Variants in MED12L observed in about 807,000 individuals in gnomAD.
The protein encoded by MED12L is mediator of RNA polymerase II transcription subunit 12-like protein.
MED12L carries 60 observed loss-of-function variants against 281.3 expected under a neutral mutation model. The ratio of observed to expected loss-of-function variants is 0.21; its 90% CI spans 0.17 to 0.26. The LOEUF (loss-of-function observed/expected upper bound fraction) is 0.26. Ranked by LOEUF, MED12L falls within the 10% of genes least tolerant of loss-of-function variation. The pLI, the probability that MED12L is intolerant of heterozygous loss-of-function variation, is 1.00. For synonymous variants in MED12L, 974 were observed against 987.2 expected, an observed-to-expected ratio of 0.99 and a Z score of 0.25; for missense variants, 2,146 against 2,680.9, an observed-to-expected ratio of 0.80 and a Z score of 4.41.
chr3:151,234,000 A>G (rs6794143), intron 16 of MED12L, among the ~76,000 whole-genome samples: 2,144 of 152,350 alleles, frequency 0.014, 42 homozygotes, highest in African/African-American at 0.048. Context: ...TAAAAAGTCT[A>G]TCACTTTGGA....
At chr3:151,420,707 G>A (rs1434189444) in intron 43 of MED12L, among the ~76,000 whole-genome samples, 1 of 152,192 alleles carries the variant, frequency 6.6e-6, no homozygotes, top group Non-Finnish European at 1.5e-5. Context: ...CAGGATGATG[G>A]GGAACATGGT....
At chr3:151,116,213 G>A in intron 2 of MED12L, 125 bp from the exon 3 acceptor site, 1 of 607,546 alleles carries the variant, frequency 1.6e-6, no homozygotes. Context: ...TTCTCTGATT[G>A]TTGTCCTTTC....
In MED12L at chr3:151,365,817, G is replaced by A. The variant is rs200118612; in HGVS notation, c.3186-33G>A. ...AGGTGAGTATTTCTCTTTTGTACAA[G>A]GTTACTTTCTGTGTCTTCTTTTTCT... On this transcript the variant is annotated intron_variant, in intron 22 of 44. Transcript: ENST00000687756. 1.1e-5 allele frequency: 18 copies of A among 1,568,036 alleles called. No individual in the cohort carries two copies. In the Admixed American group the frequency reaches 3.1e-4, roughly 27 times the overall value.
intron 44 of MED12L, among the ~76,000 whole-genome samples, chr3:151,432,287 C>T (rs1719622410): frequency 6.6e-6 from 1 of 152,232 alleles, no homozygotes. Flanking sequence ...GACAGTCTTG[C>T]ACCTGCATAT....
Position 151,086,895 on chromosome 3 carries a change from C to G in MED12L, c.-32C>G, listed in dbSNP as rs1719296554. 1.3e-6 allele frequency: 2 copies of G among 1,543,210 alleles called. No homozygotes were observed. The highest frequency in any genetic ancestry group is 1.8e-6 in the Non-Finnish European group (2 of 1,139,736). ...AGAGGCGGCTGCTCCAGCTCCAACT[C>G]TCATTCATTTCGCCGGTTAACATGA... On this transcript the variant is annotated 5_prime_UTR_variant, in exon 2 of 45. Transcript: ENST00000687756.
At chr3:151,237,188 G>A (rs1259190397) in intron 16 of MED12L, among the ~76,000 whole-genome samples, 1 of 151,258 alleles carries the variant, frequency 6.6e-6, no homozygotes, top group Non-Finnish European at 1.5e-5. Flanking sequence ...ACAGGTGCAT[G>A]CCACCACGCC....
intron 16 of MED12L, among the ~76,000 whole-genome samples, chr3:151,242,514 C>T (rs1175332333): frequency 1.3e-5 from 2 of 152,164 alleles, no homozygotes; most frequent in Admixed American, 6.5e-5. Flanking sequence ...CACACTGACA[C>T]CTCACACAGC....
chr3:151,205,936 G>A (rs573309214), intron 16 of MED12L, among the ~76,000 whole-genome samples: 1 of 151,910 alleles, frequency 6.6e-6, no homozygotes, highest in Non-Finnish European at 1.5e-5. Context: ...TGTGAATTTG[G>A]GACGCTCTTA....
intron 5 of MED12L, among the ~76,000 whole-genome samples, chr3:151,151,166 T>C (rs1269682184): frequency 6.6e-6 from 1 of 151,178 alleles, no homozygotes; most frequent in Non-Finnish European, 1.5e-5. Flanking sequence ...GCCTCTTGAA[T>C]AGCTGGGACT....
intron 2 of MED12L, among the ~76,000 whole-genome samples, chr3:151,097,431 T>A (rs2148644777): frequency 6.6e-6 from 1 of 152,370 alleles, no homozygotes. Context: ...CTTTGCCAGC[T>A]GTGGCACTAT....
chr3:151,162,036 TGAAGA>T (rs759221596), intron 8 of MED12L, among the ~76,000 whole-genome samples: 104 of 152,322 alleles, frequency 6.8e-4, no homozygotes, highest in Non-Finnish European at 1.1e-3. Flanking sequence ...AACGTGTTTA[TGAAGA>T]GAAGAGAAGA....
intron 16 of MED12L, chr3:151,317,098 C>T (rs148378096): frequency 6.6e-6 from 1 of 152,074 alleles, no homozygotes; most frequent in African/African-American, 2.4e-5. Context: ...TGCAGCCTTC[C>T]TGCCAATTAA....
rs576775560 is a variant in MED12L at position 151,152,487 on chromosome 3, G to A, written c.557-3674G>A. On this transcript the variant is annotated intron_variant, in intron 5 of 44. Transcript: ENST00000687756. Reference sequence around the variant, plus strand: ...TTGCCTGGATTATATTAATCATGGGGTGTTAACTCAGCTGAGGCAGAGGCA... The same window carrying A: ...TTGCCTGGATTATATTAATCATGGGATGTTAACTCAGCTGAGGCAGAGGCA... Among the ~76,000 whole-genome samples the A allele has an allele frequency of 1.2e-4, 19 of 152,204 alleles. 2 individuals carry two copies. The South Asian group carries it at 3.3e-3, about 27-fold the overall frequency.
intron 16 of MED12L, chr3:151,328,665 TGC>T (rs1560034267): frequency 6.2e-7 from 1 of 1,613,706 alleles, no homozygotes; most frequent in Non-Finnish European, 8.5e-7. Context: ...AACAGCACGA[TGC>T]CCACATACAT....
At chr3:151,361,253 A>G (rs11925037) in intron 21 of MED12L, among the ~76,000 whole-genome samples, 41,422 of 152,032 alleles carry the variant, frequency 0.27, 5,931 homozygotes, top group Non-Finnish European at 0.31. Context: ...CACAAAAACA[A>G]TTTTGCTGTT....
intron 5 of MED12L, among the ~76,000 whole-genome samples, chr3:151,144,041 A>G (rs1717412568): frequency 1.3e-5 from 2 of 152,242 alleles, no homozygotes; most frequent in Non-Finnish European, 2.9e-5. Context: ...TCAGACTGCT[A>G]TCTCATGCCC....
chr3:151,390,227 A>G lies in MED12L; in HGVS notation c.5608+92A>G, dbSNP rs908450828. ...CCTGAAACCTCCACAAAACTTGGACATTTCAACCACTGAGTGCTCAGTTGA... is the reference window on the plus strand; with the variant it reads ...CCTGAAACCTCCACAAAACTTGGACGTTTCAACCACTGAGTGCTCAGTTGA... On this transcript the variant is annotated intron_variant, in intron 38 of 44. Transcript: ENST00000687756. 2.4e-6 allele frequency: 3 copies of G among 1,268,938 alleles called. No homozygotes were observed. In the African/African-American group the frequency reaches 4.4e-5, roughly 19 times the overall value. 78.6% of individuals were successfully genotyped at this position (1,268,938 alleles called of 1,614,324 possible).
intron 16 of MED12L, chr3:151,294,794 C>T (rs760390826): frequency 8.7e-6 from 14 of 1,613,928 alleles, no homozygotes; most frequent in East Asian, 2.2e-5. Flanking sequence ...GCTGTACATC[C>T]GAGAGTCCCC....
At chr3:151,268,599 A>T (rs1182379384) in intron 16 of MED12L, among the ~76,000 whole-genome samples, 2 of 152,196 alleles carry the variant, frequency 1.3e-5, no homozygotes, top group Non-Finnish European at 2.9e-5. Context: ...ATTTTGTCTA[A>T]TTTGTGAGTT....
Sources: allele counts gnomAD v4.1 joint callset (sites outside exome capture counted in the v4.1 genomes callset), GRCh38; gene constraint gnomAD v4.1.1; transcripts MANE v1.5; gene names NCBI Gene and HGNC (gene_info 2026-07-23, HGNC 2026-07-21).